LMF1: variants seen among roughly 807,000 people sequenced by gnomAD.
LMF1 encodes the protein lipase maturation factor 1.
LMF1 carries 68 observed loss-of-function variants against 60.6 expected under a neutral mutation model. That is an observed-to-expected ratio of 1.12 (90% CI 0.92 to 1.37). The LOEUF is 1.37. Among genes scored for constraint, LMF1 ranks in the 40% most tolerant of loss-of-function variants. The pLI is 0.00. For synonymous variants in LMF1, 418 were observed against 324.7 expected (o/e 1.29, Z -3.09); for missense variants, 948 against 767.2 (o/e 1.24, Z -2.78).
At chr16:860,799 T>G (rs2069440397) in intron 10 of LMF1, among the ~76,000 whole-genome samples, 1 of 152,202 alleles carries the variant, frequency 6.6e-6, no homozygotes, top group South Asian at 2.1e-4. Flanking sequence ...TGTTTGGGTC[T>G]CTTTGTGGGT....
intron 4 of LMF1, among the ~76,000 whole-genome samples, chr16:904,283 T>C (rs2675907): frequency 0.13 from 8,499 of 67,236 alleles, 2,047 homozygotes; most frequent in African/African-American, 0.38. Flanking sequence ...GTCTCTGATG[T>C]GTGGTGGTGA....
intron 4 of LMF1, among the ~76,000 whole-genome samples, chr16:908,822 G>A (rs931588527): frequency 2.6e-5 from 4 of 152,222 alleles, no homozygotes; most frequent in Middle Eastern, 3.2e-3. Context: ...CCCGGTGCCC[G>A]CCATCCACAG....
At chr16:975,185 C>A (rs555563126), upstream of LMF1, among the ~76,000 whole-genome samples, 3 of 152,336 alleles carry the variant, frequency 2.0e-5, no homozygotes, top group South Asian at 6.2e-4. Flanking sequence ...GTTCCCACCC[C>A]TGCACCCCAG....
At chr16:970,143 C>A (rs190624961) in intron 1 of LMF1, among the ~76,000 whole-genome samples, 2 of 152,250 alleles carry the variant, frequency 1.3e-5, no homozygotes, top group East Asian at 1.9e-4. Flanking sequence ...CGAACGCAGA[C>A]TGAGCTAGTC....
chr16:858,932 CGGGTGT>C (rs2069316381), intron 10 of LMF1, among the ~76,000 whole-genome samples: 1 of 68,266 alleles, frequency 1.5e-5, no homozygotes, highest in Non-Finnish European at 2.5e-5. Flanking sequence ...TGTCACGGGA[CGGGTGT>C]GCAGTGGTGT....
rs770596650 is a variant in LMF1, at chr16:954,434, G to A, written c.426C>T (p.Ile142=). Residue 142 remains isoleucine (I), a synonymous_variant, in exon 2 of 11, where the codon ATC becomes ATT. Coordinates refer to ENST00000262301, the MANE Select transcript of LMF1 (RefSeq NM_022773.4). The part of the protein sequence containing the change: ...LGLGISSFVL[I]TGCANMLLMA... Reference sequence around the variant, plus strand: ...TGAGAAGCATGTTGGCGCAGCCCGTGATCAGTACGAAAGACGAGATGCCCA... The same window carrying A: ...TGAGAAGCATGTTGGCGCAGCCCGTAATCAGTACGAAAGACGAGATGCCCA... 4.3e-6 allele frequency: 7 copies of A among 1,612,998 alleles called. No individual in the cohort carries two copies. The highest frequency in any genetic ancestry group is 5.9e-6 in the Non-Finnish European group (7 of 1,179,660).
chr16:951,230 A>T, intron 2 of LMF1, among the ~76,000 whole-genome samples: 1 of 151,040 alleles, frequency 6.6e-6, no homozygotes, highest in South Asian at 2.1e-4. Flanking sequence ...CAGCTGACAG[A>T]GTCAGCCAAC....
intron 1 of LMF1, among the ~76,000 whole-genome samples, chr16:967,195 A>G (rs2072941950): frequency 6.6e-6 from 1 of 152,096 alleles, no homozygotes; most frequent in Non-Finnish European, 1.5e-5. Context: ...GCCCCCTGGG[A>G]GGGGGATTTC....
At chr16:926,481 C>A (rs186325101) in intron 3 of LMF1, among the ~76,000 whole-genome samples, 1 of 152,188 alleles carries the variant, frequency 6.6e-6, no homozygotes, top group East Asian at 1.9e-4. Context: ...TCTGTGTGTG[C>A]GCATGTGCGC....
intron 4 of LMF1, among the ~76,000 whole-genome samples, chr16:896,505 C>T (rs533153607): frequency 1.0e-3 from 157 of 152,340 alleles, no homozygotes; most frequent in Non-Finnish European, 1.7e-3. Flanking sequence ...TTGCTCAGAT[C>T]ACAAAAGCAC....
At chr16:906,212 T>C (rs114077736) in intron 4 of LMF1, among the ~76,000 whole-genome samples, 1,812 of 152,302 alleles carry the variant, frequency 0.012, 37 homozygotes, top group African/African-American at 0.041. Context: ...TGGTTCTCTA[T>C]TTTGCGGATG....
chr16:874,817 C>T lies in LMF1; in HGVS notation c.898-3476G>A, dbSNP rs139182554. Among the ~76,000 whole-genome samples the T allele has an allele frequency of 8.4e-3, 1,280 of 152,096 alleles. 22 individuals are homozygous for T. Among genetic ancestry groups the T allele is most frequent in the African/African-American group, 0.029 (1,181 of 41,390 alleles). ...GTCTCAGGGCACTCGGCTGTCACAG[C>T]GCGGCACAGGGGAGTACGCAGCCCC... On this transcript the variant is annotated intron_variant, in intron 6 of 10. Coordinates refer to ENST00000262301, the MANE Select transcript of LMF1 (RefSeq NM_022773.4). The surrounding 1 kb of genome is among the most constrained non-coding windows in gnomAD (Gnocchi z 4.1).
Position 854,399 on chromosome 16 carries a change from C to G in LMF1, c.*133G>C. The G allele has an allele frequency of 1.1e-6, 1 of 937,554 alleles. No individual in the cohort carries two copies. The highest frequency in any genetic ancestry group is 2.6e-5 in the East Asian group (1 of 38,068). 58.1% of individuals were successfully genotyped at this position (937,554 alleles called of 1,614,324 possible). A position where few individuals can be genotyped will look rare whatever the true frequency, so the allele number is the denominator to read the frequency against. On this transcript the variant is annotated 3_prime_UTR_variant, in exon 11 of 11. Transcript: ENST00000262301. ...ACAGACCCCACCCTGGACCCCCGTGCTGGGGGCTGGGTCCCACCGCTCTCC... is the reference window on the plus strand; with the variant it reads ...ACAGACCCCACCCTGGACCCCCGTGGTGGGGGCTGGGTCCCACCGCTCTCC...
chr16:971,016 TTCTCG>T, upstream of LMF1: 2 of 599,686 alleles, frequency 3.3e-6, no homozygotes, highest in Non-Finnish European at 4.1e-6. Flanking sequence ...GCCCCGCCCA[TTCTCG>T]GAGGCCCCGC....
At chr16:904,029 G>A (rs574821547) in intron 4 of LMF1, 193 of 151,636 alleles carry the variant, frequency 1.3e-3, no homozygotes, top group African/African-American at 7.3e-3. Context: ...TGCACTGCCC[G>A]TGGGGACGCC....
chr16:954,059 A>ACACACCCCACAC (rs1567312806), intron 2 of LMF1, among the ~76,000 whole-genome samples: 8 of 140,826 alleles, frequency 5.7e-5, no homozygotes, highest in African/African-American at 1.5e-4. Context: ...CCACACAGAC[A>ACACACCCCACAC]CAGACCCACT....
At chr16:939,707 T>C (rs761486416) in intron 2 of LMF1, among the ~76,000 whole-genome samples, 1 of 152,252 alleles carries the variant, frequency 6.6e-6, no homozygotes, top group Non-Finnish European at 1.5e-5. Flanking sequence ...GATGGGAAGA[T>C]ACTTGTGATT....
rs2072620788 is a variant in LMF1, at chr16:954,557, C to T, written c.303G>A (p.Arg101=). 1.9e-6 allele frequency: 3 copies of T among 1,613,232 alleles called. No homozygotes were observed. Among genetic ancestry groups the T allele is most frequent in the Non-Finnish European group, 2.5e-6 (3 of 1,179,876 alleles). Residue 101 remains arginine, a synonymous_variant, in exon 2 of 11, where the codon AGG becomes AGA. Coordinates refer to ENST00000262301, the MANE Select transcript of LMF1 (RefSeq NM_022773.4). ...LKNFQQYFQD[R]TSWEVFSYMP... is the part of the protein sequence containing the mutation. ...TGTAGCTGAAGACTTCCCAGCTCGT[C>T]CTGTCCTGGAAGTACTGCTGGAAGT... is the stretch of plus-strand genomic sequence containing the variant.
In LMF1 at chr16:869,876, C is replaced by G. The variant is rs755055115; in HGVS notation, c.1416+7G>C. ...GGTCCATGCGCCCGCCAGGGACCGT[C>G]CCCCACCTGGAAGGCCGCGAACCAC... is the stretch of plus-strand genomic sequence containing the variant. On this transcript the variant is annotated splice_region_variant and intron_variant, in intron 9 of 10. Coordinates refer to ENST00000262301, the MANE Select transcript of LMF1 (RefSeq NM_022773.4). 6.8e-6 allele frequency: 11 copies of G among 1,610,126 alleles called. No individual in the cohort carries two copies. The highest frequency in any genetic ancestry group is 7.6e-6 in the Non-Finnish European group (9 of 1,179,052).
Sources: allele counts gnomAD v4.1 joint callset (sites outside exome capture counted in the v4.1 genomes callset), GRCh38; gene constraint gnomAD v4.1.1; non-coding constraint Gnocchi (gnomAD v3.1); transcripts MANE v1.5; gene names NCBI Gene and HGNC (gene_info 2026-07-23, HGNC 2026-07-21).